Variants in GNPAT observed in about 807,000 individuals in gnomAD.
The protein encoded by GNPAT is dihydroxyacetone phosphate acyltransferase.
In GNPAT, 30 loss-of-function variants were observed where a neutral mutation model predicts 78.4. The ratio of observed to expected loss-of-function variants is 0.38; its 90% CI spans 0.29 to 0.52. GNPAT has a LOEUF of 0.52. GNPAT is among the 20% of genes least tolerant of loss of function. GNPAT has a pLI of 0.84. For synonymous variants in GNPAT, 271 were observed against 281.1 expected (o/e 0.96, Z 0.36); for missense variants, 714 against 812.2 (o/e 0.88, Z 1.47).
chr1:231,275,564 A>G, intron 14 of GNPAT, 66 bp downstream of exon 14: 1 of 907,348 alleles, frequency 1.1e-6, no homozygotes, highest in Non-Finnish European at 1.9e-6. Flanking sequence ...TTGAGCTCAA[A>G]ATCCAGAGAG....
rs1290736066 is a variant in GNPAT, at chr1:231,267,817, C to T, written c.1193C>T (p.Pro398Leu). The T allele has an allele frequency of 1.2e-6, 2 of 1,613,598 alleles. No individual in the cohort carries two copies. Among genetic ancestry groups the T allele is most frequent in the Non-Finnish European group, 1.7e-6 (2 of 1,179,520 alleles). The change falls in exon 9 of 16, where the codon CCA becomes CTA. Residue 398 changes from proline (P) to leucine (L), a missense_variant. By Grantham distance (98) the Pro-to-Leu change is moderately conservative. Coordinates refer to ENST00000366647, the MANE Select transcript of GNPAT (RefSeq NM_014236.4). ...LIVAVLLQNR[P>L]SMDFDALVEK... The stretch of plus-strand genomic sequence containing the variant: ...GTTGCTGTTCTGCTTCAGAACCGGC[C>T]ATCCATGGACTTTGATGCTCTGGTG...
chr1:231,247,903 G>C (rs1192339478), intron 1 of GNPAT, among the ~76,000 whole-genome samples: 1 of 152,204 alleles, frequency 6.6e-6, no homozygotes, highest in Non-Finnish European at 1.5e-5. Flanking sequence ...AAGACAGGTG[G>C]ACTTGATGTA....
intron 2 of GNPAT, chr1:231,258,277 TA>T (rs1282978410): frequency 2.0e-5 from 3 of 152,284 alleles, no homozygotes; most frequent in Non-Finnish European, 4.4e-5. Flanking sequence ...TCTGTTCCTA[TA>T]ACCAGGTGTC....
At chr1:231,260,013 A>G (rs957530855) in intron 2 of GNPAT, among the ~76,000 whole-genome samples, 1 of 152,158 alleles carries the variant, frequency 6.6e-6, no homozygotes, top group African/African-American at 2.4e-5. Context: ...GAGATTCTTT[A>G]TTTCACTAAT....
intron 1 of GNPAT, among the ~76,000 whole-genome samples, chr1:231,248,218 A>G (rs1684799859): frequency 1.3e-5 from 2 of 152,210 alleles, no homozygotes; most frequent in East Asian, 1.9e-4. Context: ...CTTATTTTAT[A>G]TGTTATGTGT....
intron 1 of GNPAT, among the ~76,000 whole-genome samples, chr1:231,249,934 G>A (rs1684845457): frequency 6.6e-6 from 1 of 151,938 alleles, no homozygotes; most frequent in South Asian, 2.1e-4. Context: ...TGAATGGCAG[G>A]GGCTGAATAA....
In GNPAT at chr1:231,273,990, A is replaced by G; in HGVS notation, c.1671A>G (p.Leu557=). Residue 557 remains leucine, a synonymous_variant, in exon 12 of 16, where the codon CTA becomes CTG. Transcript: ENST00000366647. Reference sequence around the variant, plus strand: ...TACAAGTGACTACGAAAGACATCCTAGTTACAGAGAAAGGAAATACTGTGT... The same window carrying G: ...TACAAGTGACTACGAAAGACATCCTGGTTACAGAGAAAGGAAATACTGTGT... ...EAIQVTTKDI[L]VTEKGNTVLE... 6.2e-7 allele frequency: 1 copy of G among 1,610,294 alleles called. No homozygotes were observed. Among genetic ancestry groups the G allele is most frequent in the Non-Finnish European group, 8.5e-7 (1 of 1,176,460 alleles).
At chr1:231,271,119 T>C in intron 10 of GNPAT, 119 bp downstream of exon 10, 1 of 1,196,848 alleles carries the variant, frequency 8.4e-7, no homozygotes, top group Non-Finnish European at 1.2e-6. Context: ...AGCAGGCCTA[T>C]CACTGAGAAA....
chr1:231,274,092 G>GC (rs765066991), intron 12 of GNPAT, 30 bp downstream of exon 12: 4 of 1,590,972 alleles, frequency 2.5e-6, no homozygotes, highest in South Asian at 1.1e-5. Context: ...TCTCCTTCAT[G>GC]CCCCCCATAT....
At chr1:231,262,364 C>G (rs1685245333) in intron 3 of GNPAT, among the ~76,000 whole-genome samples, 1 of 152,172 alleles carries the variant, frequency 6.6e-6, no homozygotes, top group Non-Finnish European at 1.5e-5. Context: ...ATTTTACAAA[C>G]AAGAAAGCTA....
At chr1:231,267,062 G>A (rs989829621) in intron 8 of GNPAT, among the ~76,000 whole-genome samples, 5 of 152,142 alleles carry the variant, frequency 3.3e-5, no homozygotes, top group Admixed American at 3.3e-4. Context: ...CCTGACACAG[G>A]CTCTCTCTTT....
At chr1:231,264,751 CG>C (rs1486391530) in intron 4 of GNPAT, among the ~76,000 whole-genome samples, 3 of 152,156 alleles carry the variant, frequency 2.0e-5, no homozygotes, top group African/African-American at 7.2e-5. Context: ...AAGATGAGAG[CG>C]GGTTTGGCCT....
In GNPAT at chr1:231,241,274, C is replaced by G. The variant is rs1684590309; in HGVS notation, c.-105C>G. ...TAGCGGCTGCAGAGGGTGCCGCCGC[C>G]CTAGGCGAAGTAGGGCCGTCCTGAG... is the stretch of plus-strand genomic sequence containing the variant. On this transcript the variant is annotated 5_prime_UTR_variant, in exon 1 of 16. Transcript: ENST00000366647. 2.1e-6 allele frequency: 3 copies of G among 1,422,406 alleles called. No homozygotes were observed. Among genetic ancestry groups the G allele is most frequent in the Non-Finnish European group, 3.0e-6 (3 of 1,005,870 alleles). The allele number at this position is 1,422,406 out of a possible 1,614,324, so 88.1% of individuals were successfully genotyped here.
In GNPAT at chr1:231,270,895, A is replaced by G. The variant is rs759427479; in HGVS notation, c.1417A>G (p.Ile473Val). Residue 473 changes from isoleucine (I) to valine (V), a missense_variant, in exon 10 of 16, where the codon ATC becomes GTC. Coordinates refer to ENST00000366647, the MANE Select transcript of GNPAT (RefSeq NM_014236.4). ...EVVDGLMLQH[I>V]TLLMCSAYRN... Reference sequence around the variant, plus strand: ...GGTCGATGGGCTTATGCTCCAGCACATCACTCTCCTCATGTGCTCAGCTTA... The same window carrying G: ...GGTCGATGGGCTTATGCTCCAGCACGTCACTCTCCTCATGTGCTCAGCTTA... 2.0e-5 allele frequency: 32 copies of G among 1,614,080 alleles called. No homozygotes were observed. The East Asian group carries it at 6.5e-4, about 33-fold the overall frequency.
rs1421149534 is a variant in GNPAT at position 231,266,092 on chromosome 1, A to G, written c.851A>G (p.Tyr284Cys). The G allele has an allele frequency of 3.1e-6, 5 of 1,611,340 alleles. No homozygotes were observed. In the South Asian group the frequency reaches 4.4e-5, roughly 14 times the overall value. ...TACCTTGTCCCAATTAGTATCAGTT[A>G]TGATAAGATCTTGGAAGAAACTCTT... is the stretch of plus-strand genomic sequence containing the variant. The part of the protein sequence containing the change: ...DTYLVPISIS[Y>C]DKILEETLYV... The change falls in exon 7 of 16, where the codon TAT becomes TGT. Residue 284 changes from tyrosine to cysteine, a missense_variant. Tyr to Cys is a radical substitution (Grantham distance 194). Transcript: ENST00000366647.
At chr1:231,275,141 T>C in intron 12 of GNPAT, 80 bp from the exon 13 acceptor site, 1 of 823,738 alleles carries the variant, frequency 1.2e-6, no homozygotes, top group Admixed American at 1.9e-5. Flanking sequence ...AGAGGGGCAA[T>C]GTAAAGTTAT....
chr1:231,242,468 GGA>G (rs1260539774), intron 1 of GNPAT, among the ~76,000 whole-genome samples: 4 of 152,162 alleles, frequency 2.6e-5, no homozygotes, highest in Non-Finnish European at 5.9e-5. Context: ...TTTGGAACAT[GGA>G]GAAACTTCTG....
At chr1:231,253,264 C>T (rs888696426) in intron 2 of GNPAT, among the ~76,000 whole-genome samples, 3 of 152,218 alleles carry the variant, frequency 2.0e-5, no homozygotes, top group Middle Eastern at 3.2e-3. Flanking sequence ...CCGCCACACC[C>T]GGCCTACCTC....
intron 1 of GNPAT, among the ~76,000 whole-genome samples, chr1:231,247,296 T>C (rs1211674537): frequency 1.3e-5 from 2 of 152,210 alleles, no homozygotes; most frequent in Admixed American, 1.3e-4. Flanking sequence ...ATTTATTTTT[T>C]CATTCTACAG....
Sources: allele counts gnomAD v4.1 joint callset (sites outside exome capture counted in the v4.1 genomes callset), GRCh38; gene constraint gnomAD v4.1.1; transcripts MANE v1.5; gene names NCBI Gene and HGNC (gene_info 2026-07-23, HGNC 2026-07-21).